The following PLEKHA5 variants were observed in gnomAD, a reference collection of about 807,000 sequenced individuals.
The protein encoded by PLEKHA5 is pleckstrin homology domain-containing family A member 5.
In PLEKHA5, 55 loss-of-function variants were observed where a neutral mutation model predicts 181.9. The ratio of observed to expected loss-of-function variants is 0.30; its 90% confidence interval spans 0.24 to 0.38. PLEKHA5 has a LOEUF of 0.38. Among genes scored for constraint, PLEKHA5 ranks in the 10% least tolerant of loss-of-function variants. PLEKHA5 has a pLI of 1.00. For missense variants in PLEKHA5, 1,432 were observed against 1,549.5 expected (o/e 0.92, Z 1.27); for synonymous variants, 535 against 529.4 (o/e 1.01, Z -0.15).
intron 20 of PLEKHA5, among the ~76,000 whole-genome samples, chr12:19,333,610 C>CT (rs372554935): frequency 0.79 from 102,162 of 129,076 alleles, 41,639 homozygotes; most frequent in Non-Finnish European, 0.89. Context: ...CATTCATTCT[C>CT]TTTTTTTTTT....
intron 21 of PLEKHA5, among the ~76,000 whole-genome samples, chr12:19,337,548 CAAAAAAA>C (rs1157232818): frequency 4.0e-4 from 25 of 61,730 alleles, no homozygotes; most frequent in East Asian, 3.3e-3. Context: ...GACTCTATCT[CAAAAAAA>C]AAAAAAAAAA....
At chr12:19,345,186 G>A (rs2094230112) in intron 22 of PLEKHA5, among the ~76,000 whole-genome samples, 1 of 151,930 alleles carries the variant, frequency 6.6e-6, no homozygotes, top group Non-Finnish European at 1.5e-5. Flanking sequence ...GATCACCTGA[G>A]GTCAGGAGTT....
chr12:19,186,941 T>C (rs1323453670), intron 3 of PLEKHA5, among the ~76,000 whole-genome samples: 1 of 152,230 alleles, frequency 6.6e-6, no homozygotes, highest in Admixed American at 6.5e-5. Flanking sequence ...AGAGATGTTG[T>C]AAATAAGTAA....
intron 3 of PLEKHA5, among the ~76,000 whole-genome samples, chr12:19,248,680 C>G (rs2064414510): frequency 6.6e-6 from 1 of 152,070 alleles, no homozygotes; most frequent in Non-Finnish European, 1.5e-5. Context: ...GCAGTACCAA[C>G]TAGGTTTGTG....
intron 3 of PLEKHA5, chr12:19,153,457 C>G (rs1200674621): frequency 6.6e-6 from 1 of 152,056 alleles, no homozygotes; most frequent in East Asian, 1.9e-4. Context: ...TTTTTTAGAG[C>G]ACTTTTAGGT....
chr12:19,362,837 A>G (rs889291258), intron 29 of PLEKHA5, among the ~76,000 whole-genome samples: 3 of 152,030 alleles, frequency 2.0e-5, no homozygotes, highest in African/African-American at 7.2e-5. Flanking sequence ...AGAGTAAGCA[A>G]TTCATCACTG....
At chr12:19,342,889 G>T (rs1318239901) in intron 21 of PLEKHA5, among the ~76,000 whole-genome samples, 1 of 152,122 alleles carries the variant, frequency 6.6e-6, no homozygotes, top group Admixed American at 6.6e-5. Context: ...AACCTAGGAA[G>T]TTAGTACACC....
chr12:19,341,922 G>A (rs1474005067), intron 21 of PLEKHA5, among the ~76,000 whole-genome samples: 1 of 152,014 alleles, frequency 6.6e-6, no homozygotes, highest in East Asian at 1.9e-4. Flanking sequence ...TGGTAGAGAT[G>A]GGGTTTTTCT....
rs368336440 is a variant in PLEKHA5, at chr12:19,322,676, A to AT, written c.2448+19dup. 1.2e-3 allele frequency: 1,883 copies of AT among 1,515,766 alleles called. 1 individual carries two copies. Among genetic ancestry groups the AT allele is most frequent in the South Asian group, 2.1e-3 (169 of 79,982 alleles). The allele number at this position is 1,515,766 out of a possible 1,614,324, so 93.9% of individuals were successfully genotyped here. On this transcript the variant is annotated intron_variant, in intron 20 of 31. Transcript: ENST00000429027. The stretch of plus-strand genomic sequence containing the variant: ...TTTCTCGAGCCACTGCCGTAAGTAG[A>AT]TTTTTTTTTTCCCCTAATAAAAGTA...
chr12:19,209,005 G>C (rs543467906), intron 3 of PLEKHA5, among the ~76,000 whole-genome samples: 1 of 152,220 alleles, frequency 6.6e-6, no homozygotes, highest in Non-Finnish European at 1.5e-5. Context: ...AAAAATTCAT[G>C]GAAAATGGAT....
chr12:19,233,892 A>G (rs1482143367), intron 3 of PLEKHA5, among the ~76,000 whole-genome samples: 1 of 152,204 alleles, frequency 6.6e-6, no homozygotes, highest in African/African-American at 2.4e-5. Context: ...CCCTTGATTT[A>G]AAGACGTTTA....
At chr12:19,217,833 C>A (rs2058237185) in intron 3 of PLEKHA5, among the ~76,000 whole-genome samples, 1 of 152,100 alleles carries the variant, frequency 6.6e-6, no homozygotes, top group Non-Finnish European at 1.5e-5. Context: ...GATGAAAGAG[C>A]TGAGGGAAGA....
Position 19,322,650 on chromosome 12 carries a change from C to G in PLEKHA5, c.2431C>G (p.Leu811Val). 1 of 1,612,038 alleles carries G rather than the reference C, an allele frequency of 6.2e-7. No homozygotes were observed. The highest frequency in any genetic ancestry group is 2.2e-5 in the East Asian group (1 of 44,854). The change falls in exon 20 of 32, where the codon CTT (leucine) becomes GTT (valine). Residue 811 changes from leucine to valine, a missense_variant. By Grantham distance (32) the Leu-to-Val change is conservative. Coordinates refer to ENST00000429027, the MANE Select transcript of PLEKHA5 (RefSeq NM_001256470.2). ...TGGACTGCTTAGTACGTGTCGAGAACTTTCTCGAGCCACTGCCGTAAGTAG... is the reference window on the plus strand; with the variant it reads ...TGGACTGCTTAGTACGTGTCGAGAAGTTTCTCGAGCCACTGCCGTAAGTAG... Reference protein sequence around the residue: ...QNGLLSTCRELSRATAELERA... With the variant: ...QNGLLSTCREVSRATAELERA...
At chr12:19,205,883 C>A (rs1024077699) in intron 3 of PLEKHA5, among the ~76,000 whole-genome samples, 1 of 151,850 alleles carries the variant, frequency 6.6e-6, no homozygotes, top group Admixed American at 6.6e-5. Context: ...ATCAAAAATT[C>A]TTTAAAGAAA....
chr12:19,357,243 T>C (rs968625590), intron 26 of PLEKHA5, among the ~76,000 whole-genome samples: 1 of 140,780 alleles, frequency 7.1e-6, no homozygotes, highest in Non-Finnish European at 1.5e-5. Context: ...AGCTGCCATA[T>C]TCTTTATATT....
intron 25 of PLEKHA5, among the ~76,000 whole-genome samples, chr12:19,353,483 A>G (rs2094724513): frequency 7.1e-6 from 1 of 141,386 alleles, no homozygotes; most frequent in African/African-American, 2.6e-5. Context: ...ATTTTTAGAC[A>G]GAGTTTCGTT....
At chr12:19,149,875 T>G (rs1210838739) in intron 3 of PLEKHA5, 1 of 152,156 alleles carries the variant, frequency 6.6e-6, no homozygotes, top group Non-Finnish European at 1.5e-5. Flanking sequence ...TTTTACTGCT[T>G]TCTGTTGGCT....
At chr12:19,354,502 A>T (rs1308650960) in intron 26 of PLEKHA5, among the ~76,000 whole-genome samples, 1 of 137,112 alleles carries the variant, frequency 7.3e-6, no homozygotes, top group African/African-American at 2.8e-5. Flanking sequence ...TTTTTTTGAG[A>T]TGGAGTCTCG....
chr12:19,145,044 C>T (rs2038528546), intron 3 of PLEKHA5, among the ~76,000 whole-genome samples: 1 of 152,016 alleles, frequency 6.6e-6, no homozygotes. Context: ...CTGCTGTTTC[C>T]CACTGATAAA....
Sources: gnomAD v4.1 joint callset for allele counts (sites outside exome capture counted in the v4.1 genomes callset) on GRCh38, gnomAD v4.1.1 for gene constraint, MANE v1.5 for transcripts, NCBI Gene and HGNC (gene_info 2026-07-23, HGNC 2026-07-21) for gene names.